Variants in RADIL observed in about 807,000 individuals in gnomAD.
The protein encoded by RADIL is Rap associating with DIL domain, also known as ras-associating and dilute domain-containing protein.
Under a neutral mutation model 97.6 loss-of-function variants are expected in RADIL, and 99 were observed. The observed-to-expected ratio is 1.01, with a 90% confidence interval of 0.86 to 1.20. The LOEUF (loss-of-function observed/expected upper bound fraction) is 1.20, where lower values mean the gene tolerates loss of function less well. Ranked by LOEUF, RADIL falls within the 50% of genes most tolerant of loss-of-function variation. RADIL has a pLI of 0.00. For synonymous variants in RADIL, 803 were observed against 691.8 expected, an observed-to-expected ratio of 1.16 and a Z score of -2.52; for missense variants, 1,765 against 1,498.9, an observed-to-expected ratio of 1.18 and a Z score of -2.93.
intron 9 of RADIL, chr7:4,809,670 T>C (rs1782481042): frequency 1.1e-6 from 1 of 939,808 alleles, no homozygotes; most frequent in Non-Finnish European, 1.3e-6. Context: ...TATTTATTTA[T>C]TTATTTTATT....
At chr7:4,809,001 C>T in intron 9 of RADIL, 3 of 713,072 alleles carry the variant, frequency 4.2e-6, no homozygotes, top group Non-Finnish European at 4.9e-6. Context: ...CCCCGCGTCC[C>T]CTTCCGACGC....
Position 4,827,327 on chromosome 7 carries a change from T to G in RADIL, c.1455-4773A>C, listed in dbSNP as rs1436322698. Among the ~76,000 whole-genome samples, 7 of 143,884 alleles carry G rather than the reference T, an allele frequency of 4.9e-5. No homozygotes were observed. The East Asian group carries it at 1.3e-3, about 26-fold the overall frequency. 94.4% of individuals were successfully genotyped at this position (143,884 alleles called of 152,430 possible). On this transcript the variant is annotated intron_variant, in intron 5 of 14. Transcript: ENST00000399583. ...CTGCGGTGAAATGCGATTGCACCAG[T>G]GCACTCCAGCGTAGACGACAGAGCG...
At chr7:4,843,772 C>G (rs1471072152) in intron 2 of RADIL, among the ~76,000 whole-genome samples, 1 of 151,982 alleles carries the variant, frequency 6.6e-6, no homozygotes, top group East Asian at 1.9e-4. Context: ...ATTAGCCAGG[C>G]ATGGTGGTGG....
intron 12 of RADIL, among the ~76,000 whole-genome samples, 181 bp from the exon 13 acceptor site, chr7:4,800,491 C>T (rs1782046100): frequency 6.6e-6 from 1 of 152,122 alleles, no homozygotes; most frequent in Admixed American, 6.5e-5. Context: ...TCGGGGTCCG[C>T]CCATGGGCGA....
At position 4,878,373 on chromosome 7, in the gene RADIL, G is replaced by A. The variant is rs1238449142; in HGVS notation, c.-64-170C>T. ...AGCCTGGGAAACATAGTAAGGCCCC[G>A]GCTCTACAAAAAATTTAAAAATTAG... On this transcript the variant is annotated intron_variant, in intron 1 of 14. Transcript: ENST00000399583. This position sits in a 1 kb window ranked among gnomAD's most constrained non-coding sequence, Gnocchi z 4.1. Among the ~76,000 whole-genome samples, 3 of 151,952 alleles carry A rather than the reference G, an allele frequency of 2.0e-5. No homozygotes were observed. Among genetic ancestry groups the A allele is most frequent in the African/African-American group, 4.8e-5 (2 of 41,356 alleles).
intron 2 of RADIL, among the ~76,000 whole-genome samples, chr7:4,856,801 T>TA (rs1400609862): frequency 6.6e-6 from 1 of 152,244 alleles, no homozygotes; most frequent in African/African-American, 2.4e-5. Context: ...GGTTCTATAA[T>TA]AAACATTCAC....
chr7:4,842,952 C>T lies in RADIL; in HGVS notation c.536-6347G>A, dbSNP rs1325362255. Among the ~76,000 whole-genome samples the T allele has an allele frequency of 1.3e-5, 2 of 151,838 alleles. No homozygotes were observed. The highest frequency in any genetic ancestry group is 2.1e-4 in the South Asian group (1 of 4,810). On this transcript the variant is annotated intron_variant, in intron 2 of 14. Coordinates refer to ENST00000399583, the MANE Select transcript of RADIL (RefSeq NM_018059.5). The surrounding 1 kb of genome is among the most constrained non-coding windows in gnomAD (Gnocchi z 4.5). ...AGCCTCGAAATTCTGGCCTCAGGGCCTCAGAATAGCTGGGACTATAGGTGC... is the reference window on the plus strand; with the variant it reads ...AGCCTCGAAATTCTGGCCTCAGGGCTTCAGAATAGCTGGGACTATAGGTGC...
At chr7:4,825,883 GAAAAA>G (rs540147941) in intron 5 of RADIL, among the ~76,000 whole-genome samples, 2,131 of 50,762 alleles carry the variant, frequency 0.042, 21 homozygotes, top group Non-Finnish European at 0.068. Flanking sequence ...CTCCGTCTCA[GAAAAA>G]AAAAAAAAAA....
Position 4,842,765 on chromosome 7 carries a change from A to T in RADIL, c.536-6160T>A, listed in dbSNP as rs1376133515. Among the ~76,000 whole-genome samples the T allele has an allele frequency of 1.3e-5, 2 of 152,098 alleles. No individual in the cohort carries two copies. On this transcript the variant is annotated intron_variant, in intron 2 of 14. Coordinates refer to ENST00000399583, the MANE Select transcript of RADIL (RefSeq NM_018059.5). This position sits in a 1 kb window ranked among gnomAD's most constrained non-coding sequence, Gnocchi z 4.5. ...ACCCATCCCCACTCGCAGGCCTCAG[A>T]GATGAAGTGACTAGGAGTGGAGACG... is the stretch of plus-strand genomic sequence containing the variant.
chr7:4,806,827 G>A (rs1391149875), intron 9 of RADIL, among the ~76,000 whole-genome samples: 1 of 152,192 alleles, frequency 6.6e-6, no homozygotes. Context: ...TTCGGATTCT[G>A]CAGGTGCTGT....
intron 2 of RADIL, among the ~76,000 whole-genome samples, chr7:4,850,618 G>T (rs1436322917): frequency 6.6e-6 from 1 of 152,198 alleles, no homozygotes; most frequent in African/African-American, 2.4e-5. Flanking sequence ...CCTGACAACA[G>T]TCACTGGGAG....
chr7:4,822,385 C>T lies in RADIL; in HGVS notation c.1615+9G>A, dbSNP rs752033773. 6.2e-7 allele frequency: 1 copy of T among 1,605,564 alleles called. No individual in the cohort carries two copies. Among genetic ancestry groups the T allele is most frequent in the Non-Finnish European group, 8.5e-7 (1 of 1,177,096 alleles). ...TGGCGGGGGGAATGGAGGGCAGCGCCAGCCGTACCTGTGATGTCCAGCTGC... is the reference window on the plus strand; with the variant it reads ...TGGCGGGGGGAATGGAGGGCAGCGCTAGCCGTACCTGTGATGTCCAGCTGC... On this transcript the variant is annotated intron_variant, in intron 6 of 14. Coordinates refer to ENST00000399583, the MANE Select transcript of RADIL (RefSeq NM_018059.5). This position sits in a 1 kb window ranked among gnomAD's most constrained non-coding sequence, Gnocchi z 5.3.
In RADIL at chr7:4,875,065, G is replaced by A. The variant is rs1364460829; in HGVS notation, c.535+2540C>T. Among the ~76,000 whole-genome samples, 8 of 146,132 alleles carry A rather than the reference G, an allele frequency of 5.5e-5. 1 individual carries two copies. The highest frequency in any genetic ancestry group is 3.9e-4 in the East Asian group (2 of 5,146). On this transcript the variant is annotated intron_variant, in intron 2 of 14. Transcript: ENST00000399583. The stretch of plus-strand genomic sequence containing the variant: ...AAATTAGCCGGGCGTGGTGGCGGGC[G>A]CCTGTAGTCCCAGCTACTCGGGAGG...
chr7:4,815,328 G>T lies in RADIL; in HGVS notation c.2089C>A (p.Leu697Ile), dbSNP rs755239102. 1.3e-6 allele frequency: 2 copies of T among 1,559,110 alleles called. No individual in the cohort carries two copies. Among genetic ancestry groups the T allele is most frequent in the South Asian group, 1.2e-5 (1 of 84,586 alleles). Residue 697 changes from leucine to isoleucine, a missense_variant, in exon 9 of 15, where the codon CTC becomes ATC. Physicochemically the swap from Leu to Ile is conservative, Grantham distance 5. Transcript: ENST00000399583. This position sits in a 1 kb window ranked among gnomAD's most constrained non-coding sequence, Gnocchi z 8.0. ...GCCAGCAGGTTGAGGGTGCAGGAGA[G>T]CTTCTGGAAGAAGTGCTCTCCAGCC... is the stretch of plus-strand genomic sequence containing the variant. ...GAAGEHFFQK[L>I]SCTLNLLATP...
intron 1 of RADIL, chr7:4,882,049 A>G (rs955034638): frequency 6.6e-6 from 1 of 152,086 alleles, no homozygotes; most frequent in African/African-American, 2.4e-5. Flanking sequence ...CAGAGAGAAT[A>G]TGATTGACTC....
intron 10 of RADIL, chr7:4,804,200 C>A: frequency 4.0e-6 from 1 of 251,562 alleles, no homozygotes; most frequent in South Asian, 5.2e-5. Flanking sequence ...CTGCTCTCTG[C>A]CCCCAGGAAC....
intron 2 of RADIL, among the ~76,000 whole-genome samples, chr7:4,848,584 A>G (rs1262183082): frequency 3.3e-5 from 5 of 152,212 alleles, no homozygotes; most frequent in Non-Finnish European, 7.3e-5. Context: ...AAGAAAAATA[A>G]AAGTTGGACA....
chr7:4,857,083 ATCT>A (rs1453287706), intron 2 of RADIL, among the ~76,000 whole-genome samples: 3 of 152,238 alleles, frequency 2.0e-5, no homozygotes, highest in Non-Finnish European at 4.4e-5. Context: ...CTGTTTTGAA[ATCT>A]TCTATGATAA....
intron 2 of RADIL, among the ~76,000 whole-genome samples, chr7:4,850,722 C>A (rs904129290): frequency 1.3e-5 from 2 of 152,156 alleles, no homozygotes; most frequent in African/African-American, 4.8e-5. Context: ...ACTCTGCCAA[C>A]AACCTTGTGA....
Sources: gnomAD v4.1 joint callset for allele counts (sites outside exome capture counted in the v4.1 genomes callset) on GRCh38, gnomAD v4.1.1 for gene constraint, Gnocchi (gnomAD v3.1) non-coding constraint, MANE v1.5 for transcripts, NCBI Gene and HGNC (gene_info 2026-07-23, HGNC 2026-07-21) for gene names.